The following COG4 variants were observed in gnomAD, a reference collection of about 807,000 sequenced individuals.
COG4 encodes the protein component of oligomeric golgi complex 4, also known as conserved oligomeric Golgi complex subunit 4.
In COG4, 65 loss-of-function variants were observed where a neutral mutation model predicts 95.1. The observed-to-expected ratio is 0.68, with a 90% CI of 0.56 to 0.84. The LOEUF (loss-of-function observed/expected upper bound fraction) is 0.84, where lower values mean the gene tolerates loss of function less well. Among genes scored for constraint, COG4 ranks in the 40% least tolerant of loss-of-function variants. The pLI is 0.00. For missense variants in COG4, 1,045 were observed against 989.1 expected (o/e 1.06, Z -0.76); for synonymous variants, 421 against 374.8 (o/e 1.12, Z -1.42).
chr16:70,509,265 T>G lies in COG4; in HGVS notation c.968A>C (p.Asp323Ala), dbSNP rs762923716. Residue 323 changes from aspartate to alanine, a missense_variant, in exon 7 of 19, where the codon GAC (aspartate) becomes GCC (alanine). Physicochemically the swap from Asp to Ala is moderately radical, Grantham distance 126. Coordinates refer to ENST00000323786, the MANE Select transcript of COG4 (RefSeq NM_015386.3). ...ECDRQVEKVV[D>A]KFIKQRDYHQ... ...GTAGTCCCTTTGCTTGATGAACTTGTCTACCACCTTCTCCACCTGTCTGTC... is the reference window on the plus strand; with the variant it reads ...GTAGTCCCTTTGCTTGATGAACTTGGCTACCACCTTCTCCACCTGTCTGTC... The G allele has an allele frequency of 6.2e-7, 1 of 1,614,186 alleles. No individual in the cohort carries two copies. Among genetic ancestry groups the G allele is most frequent in the South Asian group, 1.1e-5 (1 of 91,088 alleles).
At chr16:70,516,134 GT>G (rs1248161495) in intron 3 of COG4, 7 of 445,718 alleles carry the variant, frequency 1.6e-5, no homozygotes, top group African/African-American at 1.4e-4. Flanking sequence ...TTAATATGGT[GT>G]ATTATTAGGA....
intron 8 of COG4, among the ~76,000 whole-genome samples, chr16:70,501,780 T>C (rs1454500106): frequency 6.6e-6 from 1 of 151,620 alleles, no homozygotes; most frequent in Admixed American, 6.6e-5. Context: ...GCCACATGAG[T>C]AGCTGGGATT....
At chr16:70,521,006 G>A (rs1475395124) in intron 1 of COG4, among the ~76,000 whole-genome samples, 2 of 152,022 alleles carry the variant, frequency 1.3e-5, no homozygotes, top group Non-Finnish European at 2.9e-5. Context: ...TCCTACCCCA[G>A]CCCCCCAAAT....
chr16:70,518,509 C>A (rs1239900321), intron 2 of COG4, among the ~76,000 whole-genome samples: 3 of 152,114 alleles, frequency 2.0e-5, no homozygotes, highest in Non-Finnish European at 4.4e-5. Flanking sequence ...CAGGCGCACA[C>A]CACCATGCCC....
At chr16:70,510,045 A>C in intron 5 of COG4, 24 bp from the exon 6 acceptor site, 1 of 1,587,284 alleles carries the variant, frequency 6.3e-7, no homozygotes, top group Non-Finnish European at 8.7e-7. Flanking sequence ...AAACCCACAC[A>C]CATTCCTCAG....
At position 70,481,084 on chromosome 16, in the gene COG4, G is replaced by T; in HGVS notation, c.2296C>A (p.Pro766Thr). ...GCCAGCACCTGGCGCACTTCAGCAG[G>T]GGTGAGGCGCCACGTCAATGGGCCG... ...NSGPLTWRLTPAEVRQVLALR... is the reference protein window; with the variant it reads ...NSGPLTWRLTTAEVRQVLALR... The change falls in exon 19 of 19, where the codon CCT becomes ACT. Residue 766 changes from proline (P) to threonine (T), a missense_variant. Physicochemically the swap from Pro to Thr is conservative, Grantham distance 38. Transcript: ENST00000323786. The T allele has an allele frequency of 1.2e-6, 2 of 1,613,462 alleles. No homozygotes were observed. The highest frequency in any genetic ancestry group is 2.2e-5 in the East Asian group (1 of 44,870).
At chr16:70,500,368 T>A (rs1489342282) in intron 9 of COG4, among the ~76,000 whole-genome samples, 3 of 138,356 alleles carry the variant, frequency 2.2e-5, no homozygotes, top group African/African-American at 5.7e-5. Flanking sequence ...ATATACTCTT[T>A]TTTTTTTTTT....
At chr16:70,508,077 T>C (rs914263989) in intron 8 of COG4, among the ~76,000 whole-genome samples, 2 of 151,612 alleles carry the variant, frequency 1.3e-5, no homozygotes, top group Non-Finnish European at 2.9e-5. Flanking sequence ...CGCACCACCA[T>C]GCCCAGCTAA....
At chr16:70,482,681 G>C (rs2049022396) in intron 15 of COG4, 48 bp downstream of exon 15, 1 of 1,475,402 alleles carries the variant, frequency 6.8e-7, no homozygotes, top group Non-Finnish European at 9.5e-7. Flanking sequence ...GCTGGGGCTA[G>C]GGATGAGGGG....
At position 70,517,754 on chromosome 16, in the gene COG4, T is replaced by C. The variant is rs1597692012; in HGVS notation, c.255-14A>G. On this transcript the variant is annotated splice_polypyrimidine_tract_variant and intron_variant, in intron 2 of 18. Transcript: ENST00000323786. Reference sequence around the variant, plus strand: ...TGCAGATTAGGACTGGAGAAATACATTGTTAGCATACACATAACGATAGGG... The same window carrying C: ...TGCAGATTAGGACTGGAGAAATACACTGTTAGCATACACATAACGATAGGG... 10 of 1,555,870 alleles carry C rather than the reference T, an allele frequency of 6.4e-6. No individual in the cohort carries two copies. Among genetic ancestry groups the C allele is most frequent in the Non-Finnish European group, 8.9e-6 (10 of 1,127,446 alleles).
intron 1 of COG4, among the ~76,000 whole-genome samples, chr16:70,521,669 G>A (rs904556625): frequency 6.6e-6 from 1 of 151,356 alleles, no homozygotes; most frequent in African/African-American, 2.4e-5. Context: ...GAATGAATGC[G>A]AGCTTAGGAA....
Position 70,481,346 on chromosome 16 carries a change from G to T in COG4, c.2235+13C>A. On this transcript the variant is annotated intron_variant, in intron 18 of 18. Transcript: ENST00000323786. ...TCACCCCTCCCTGGCTGGGCCAAGG[G>T]TGCCCCACCTACCCGCTCCAGATTG... 6.2e-7 allele frequency: 1 copy of T among 1,612,078 alleles called. No homozygotes were observed. The highest frequency in any genetic ancestry group is 8.5e-7 in the Non-Finnish European group (1 of 1,179,966).
chr16:70,510,484 G>A (rs949920860), intron 5 of COG4, among the ~76,000 whole-genome samples: 7 of 152,172 alleles, frequency 4.6e-5, no homozygotes, highest in South Asian at 2.1e-4. Flanking sequence ...CACCATGCCC[G>A]GCTAATTTTT....
chr16:70,521,999 C>CT (rs772349524), intron 1 of COG4, among the ~76,000 whole-genome samples: 2,670 of 138,170 alleles, frequency 0.019, 25 homozygotes, highest in South Asian at 0.053. Context: ...CCGCGCCAGG[C>CT]TTTTTTTTTT....
chr16:70,501,189 G>C, intron 8 of COG4, 98 bp from the exon 9 acceptor site: 4 of 1,383,712 alleles, frequency 2.9e-6, no homozygotes, highest in Non-Finnish European at 4.0e-6. Context: ...CTCCCCACTG[G>C]GCCCATAAGG....
Position 70,497,391 on chromosome 16 carries a change from C to T in COG4, c.1315-4G>A, listed in dbSNP as rs750562919. ...CATAGGTGTCCAGAGCCACAGCCTACCCAAAAGGCAAAGCCAACACTGAGG... is the reference window on the plus strand; with the variant it reads ...CATAGGTGTCCAGAGCCACAGCCTATCCAAAAGGCAAAGCCAACACTGAGG... On this transcript the variant is annotated splice_polypyrimidine_tract_variant and splice_region_variant and intron_variant, in intron 10 of 18. Coordinates refer to ENST00000323786, the MANE Select transcript of COG4 (RefSeq NM_015386.3). The T allele has an allele frequency of 6.2e-7, 1 of 1,612,564 alleles. No individual in the cohort carries two copies. Among genetic ancestry groups the T allele is most frequent in the Non-Finnish European group, 8.5e-7 (1 of 1,179,978 alleles).
At chr16:70,507,352 A>C (rs1381121485) in intron 8 of COG4, among the ~76,000 whole-genome samples, 1 of 152,132 alleles carries the variant, frequency 6.6e-6, no homozygotes, top group African/African-American at 2.4e-5. Context: ...ACAGTACATA[A>C]TACTGTACCT....
At chr16:70,491,520 CAAAAAAAAA>C (rs72213284) in intron 12 of COG4, among the ~76,000 whole-genome samples, 1 of 54,838 alleles carries the variant, frequency 1.8e-5, no homozygotes, top group Non-Finnish European at 2.9e-5. Flanking sequence ...GACTCTGTCT[CAAAAAAAAA>C]AAAAAAAAAA....
intron 13 of COG4, among the ~76,000 whole-genome samples, chr16:70,489,278 G>C (rs2049196220): frequency 6.6e-6 from 1 of 150,874 alleles, no homozygotes; most frequent in South Asian, 2.1e-4. Flanking sequence ...GAGTGCAGTG[G>C]CGTGATCTCG....
Sources: allele counts gnomAD v4.1 joint callset (sites outside exome capture counted in the v4.1 genomes callset), GRCh38; gene constraint gnomAD v4.1.1; transcripts MANE v1.5; gene names NCBI Gene and HGNC (gene_info 2026-07-23, HGNC 2026-07-21).